The following USP25 variants were observed in gnomAD, a reference collection of about 807,000 sequenced individuals.
The protein encoded by USP25 is ubiquitin specific peptidase 25, also known as ubiquitin carboxyl-terminal hydrolase 25.
In USP25, 85 loss-of-function variants were observed where a neutral mutation model predicts 158.5. The observed-to-expected ratio is 0.54, with a 90% CI of 0.45 to 0.64. USP25 has a LOEUF of 0.64. Ranked by LOEUF, USP25 falls within the 30% of genes least tolerant of loss-of-function variation. USP25 has a pLI of 0.00. For missense variants in USP25, 1,242 were observed against 1,327.3 expected, an observed-to-expected ratio of 0.94 and a Z score of 1.00; for synonymous variants, 464 against 460.4, an observed-to-expected ratio of 1.01 and a Z score of -0.10.
chr21:15,865,743 C>A (rs1273308606), intron 21 of USP25, among the ~76,000 whole-genome samples: 1 of 152,048 alleles, frequency 6.6e-6, no homozygotes, highest in African/African-American at 2.4e-5. Flanking sequence ...GTTTTGATAA[C>A]CTGACTTGTG....
intron 10 of USP25, among the ~76,000 whole-genome samples, chr21:15,822,059 C>T (rs1409291373): frequency 6.6e-6 from 1 of 151,396 alleles, no homozygotes; most frequent in East Asian, 1.9e-4. Flanking sequence ...GGAGAATGAC[C>T]TCTGTCTCAC....
intron 5 of USP25, among the ~76,000 whole-genome samples, chr21:15,795,082 G>C (rs2035795500): frequency 6.6e-6 from 1 of 151,450 alleles, no homozygotes; most frequent in Non-Finnish European, 1.5e-5. Context: ...CCTGCCCCTT[G>C]AAAGAGACCT....
chr21:15,824,076 A>G lies in USP25; in HGVS notation c.1118A>G (p.Glu373Gly). The part of the protein sequence containing the change: ...FTELPPVLTF[E>G]LSRFEFNQAL... ...GAATTACCACCTGTGTTAACATTTGAATTGTCAAGATTTGAATTTAATCAG... is the reference window on the plus strand; with the variant it reads ...GAATTACCACCTGTGTTAACATTTGGATTGTCAAGATTTGAATTTAATCAG... Residue 373 changes from glutamate (E) to glycine (G), a missense_variant, in exon 11 of 26, where the codon GAA (glutamate) becomes GGA (glycine). Physicochemically the swap from Glu to Gly is moderately conservative, Grantham distance 98. This residue lies in a region of USP25 where 627 missense variants were observed against 701.4 expected (regional missense o/e 0.89). Coordinates refer to ENST00000400183, the MANE Select transcript of USP25 (RefSeq NM_001283041.3). 6.2e-7 allele frequency: 1 copy of G among 1,613,624 alleles called. No homozygotes were observed. Among genetic ancestry groups the G allele is most frequent in the Non-Finnish European group, 8.5e-7 (1 of 1,179,810 alleles).
Position 15,846,152 on chromosome 21 carries a change from A to T in USP25, c.2338-1511A>T, listed in dbSNP as rs1283188425. ...TATATATATATATATATATATATATATATATATTTTTTTTTTTTTTTTTTT... is the reference window on the plus strand; with the variant it reads ...TATATATATATATATATATATATATTTATATATTTTTTTTTTTTTTTTTTT... On this transcript the variant is annotated intron_variant, in intron 18 of 25. Coordinates refer to ENST00000400183, the MANE Select transcript of USP25 (RefSeq NM_001283041.3). Among the ~76,000 whole-genome samples the T allele has an allele frequency of 2.3e-3, 137 of 58,772 alleles. 10 individuals are homozygous for T. Among genetic ancestry groups the T allele is most frequent in the African/African-American group, 0.019 (105 of 5,606 alleles). The allele number at this position is 58,772 out of a possible 152,430, so 38.6% of individuals were successfully genotyped here. A position where few individuals can be genotyped will look rare whatever the true frequency, so the allele number is the denominator to read the frequency against.
At chr21:15,838,328 G>T (rs1375498226) in intron 17 of USP25, among the ~76,000 whole-genome samples, 1 of 151,988 alleles carries the variant, frequency 6.6e-6, no homozygotes, top group Non-Finnish European at 1.5e-5. Flanking sequence ...ATTCCCTATG[G>T]AGATTTCCAA....
In USP25 at chr21:15,864,272, T is replaced by C; in HGVS notation, c.2552T>C (p.Ile851Thr). Residue 851 changes from isoleucine (I) to threonine (T), a missense_variant, in exon 21 of 26, where the codon ATT becomes ACT. Physicochemically the swap from Ile to Thr is moderately conservative, Grantham distance 89. Around this residue, in one of 3 missense-constraint regions of USP25, gnomAD observed 608 missense variants for 605.2 expected, o/e 1.00. Transcript: ENST00000400183. ...CGPEAGFFKA[I>T]KLEYARLVKL... ...CATTTTCATTGCATTTTCCAGGCAA[T>C]TAAGTTGGAATATGCAAGGTTGGTT... The C allele has an allele frequency of 6.3e-7, 1 of 1,592,822 alleles. No individual in the cohort carries two copies.
At chr21:15,786,630 A>G (rs376590298) in intron 4 of USP25, among the ~76,000 whole-genome samples, 28 of 152,160 alleles carry the variant, frequency 1.8e-4, no homozygotes, top group Admixed American at 1.0e-3. Context: ...TCAACACGGT[A>G]AAGACCATAG....
chr21:15,849,910 T>C, intron 20 of USP25, 38 bp downstream of exon 20: 2 of 1,390,772 alleles, frequency 1.4e-6, no homozygotes, highest in Admixed American at 2.8e-5. Context: ...CTTTTCTTTT[T>C]CAAAATTAAA....
intron 6 of USP25, among the ~76,000 whole-genome samples, chr21:15,801,618 A>G (rs2036139942): frequency 6.6e-6 from 1 of 151,620 alleles, no homozygotes; most frequent in Admixed American, 6.6e-5. Context: ...AGATGGTGAC[A>G]GCAGGTTTTT....
At chr21:15,835,811 A>G (rs1029034719) in intron 17 of USP25, among the ~76,000 whole-genome samples, 2 of 152,216 alleles carry the variant, frequency 1.3e-5, no homozygotes, top group African/African-American at 2.4e-5. Context: ...GAAGTAGAAC[A>G]TGCCAAGTCC....
intron 9 of USP25, among the ~76,000 whole-genome samples, chr21:15,815,960 G>T (rs2036918039): frequency 6.6e-6 from 1 of 152,180 alleles, no homozygotes; most frequent in Non-Finnish European, 1.5e-5. Flanking sequence ...GACTTTGGGG[G>T]ATTGTTGGGA....
intron 3 of USP25, among the ~76,000 whole-genome samples, chr21:15,769,604 C>T (rs182197189): frequency 1.8e-4 from 27 of 152,104 alleles, no homozygotes; most frequent in African/African-American, 6.0e-4. Context: ...ACACGATACC[C>T]GGTATTGAGC....
intron 20 of USP25, 112 bp downstream of exon 20, chr21:15,849,984 T>C (rs1396568412): frequency 1.3e-6 from 1 of 794,358 alleles, no homozygotes; most frequent in Non-Finnish European, 1.9e-6. Context: ...TCTTTTCCTA[T>C]CTTAGTTATG....
chr21:15,821,673 A>G (rs972406666), intron 10 of USP25, among the ~76,000 whole-genome samples: 1 of 151,998 alleles, frequency 6.6e-6, no homozygotes. Flanking sequence ...GACTGGAGCT[A>G]ATTTTTTAAC....
At chr21:15,830,376 A>G (rs1355890761) in intron 14 of USP25, among the ~76,000 whole-genome samples, 155 bp from the exon 15 acceptor site, 2 of 152,114 alleles carry the variant, frequency 1.3e-5, no homozygotes, top group Non-Finnish European at 2.9e-5. Flanking sequence ...ACTATAATTC[A>G]TTTTCTACAG....
intron 5 of USP25, among the ~76,000 whole-genome samples, chr21:15,796,230 T>C (rs962655460): frequency 6.6e-6 from 1 of 151,388 alleles, no homozygotes; most frequent in Non-Finnish European, 1.5e-5. Flanking sequence ...GGATATAGGG[T>C]CTTTGGGACT....
At chr21:15,828,284 A>G (rs1359588317) in intron 14 of USP25, among the ~76,000 whole-genome samples, 1 of 152,208 alleles carries the variant, frequency 6.6e-6, no homozygotes, top group African/African-American at 2.4e-5. Context: ...AATCAAGCAA[A>G]TAGTGTTGAT....
At position 15,805,382 on chromosome 21, in the gene USP25, G is replaced by T. The variant is rs1368348029; in HGVS notation, c.780+124G>T. ...ATTCTGCTTTATTAAAAATAACCTG[G>T]AACCATTTAAAACATTTGGGAGACT... On this transcript the variant is annotated intron_variant, in intron 7 of 25. Coordinates refer to ENST00000400183, the MANE Select transcript of USP25 (RefSeq NM_001283041.3). The T allele has an allele frequency of 7.0e-6, 7 of 999,930 alleles. No homozygotes were observed. The East Asian group carries it at 2.2e-4, about 31-fold the overall frequency. The allele number at this position is 999,930 out of a possible 1,614,324, so 61.9% of individuals were successfully genotyped here.
At chr21:15,824,540 G>A (rs2146353690) in intron 11 of USP25, among the ~76,000 whole-genome samples, 1 of 151,868 alleles carries the variant, frequency 6.6e-6, no homozygotes, top group East Asian at 1.9e-4. Flanking sequence ...CTGTCTTCCT[G>A]TCTTTCTGTC....
Sources: gnomAD v4.1 joint callset for allele counts (sites outside exome capture counted in the v4.1 genomes callset) on GRCh38, gnomAD v4.1.1 for gene constraint, gnomAD v4.1.1 regional missense constraint, MANE v1.5 for transcripts, NCBI Gene and HGNC (gene_info 2026-07-23, HGNC 2026-07-21) for gene names.